Variants in IST1 observed in about 807,000 individuals in gnomAD.
IST1 encodes the protein IST1 homolog.
In IST1, 23 loss-of-function variants were observed where a neutral mutation model predicts 37.0. That is an observed-to-expected ratio of 0.62 (90% CI 0.45 to 0.88). The LOEUF (loss-of-function observed/expected upper bound fraction) is 0.88, where lower values mean the gene tolerates loss of function less well. IST1 is among the 40% of genes least tolerant of loss of function. The probability of loss-of-function intolerance (pLI) is 0.00; values close to 1 mark genes in which losing one functional copy is unlikely to be tolerated. For synonymous variants in IST1, 180 were observed against 161.7 expected, an observed-to-expected ratio of 1.11 and a Z score of -0.86; for missense variants, 488 against 445.4, an observed-to-expected ratio of 1.10 and a Z score of -0.86.
At chr16:71,906,621 A>G (rs967858274) in intron 1 of IST1, among the ~76,000 whole-genome samples, 2 of 152,098 alleles carry the variant, frequency 1.3e-5, no homozygotes, top group African/African-American at 2.4e-5. Flanking sequence ...CTGGCCCGCA[A>G]TTCTTTTAGA....
chr16:71,896,701 C>T (rs963419726), intron 1 of IST1, among the ~76,000 whole-genome samples: 1 of 152,064 alleles, frequency 6.6e-6, no homozygotes, highest in African/African-American at 2.4e-5. Context: ...TAAAACTGGC[C>T]AGATGTGGTG....
upstream of IST1, chr16:71,894,862 A>C: frequency 6.5e-7 from 1 of 1,530,974 alleles, no homozygotes; most frequent in Non-Finnish European, 8.8e-7. Context: ...AACAAAGGTA[A>C]CCAAGGAAAA....
chr16:71,895,038 G>C (rs1286936271), upstream of IST1: 4 of 498,382 alleles, frequency 8.0e-6, no homozygotes, highest in Non-Finnish European at 1.1e-5. Context: ...AGAGGGACAC[G>C]GAGGCGCTGG....
rs994132221 is a variant in IST1 at position 71,924,539 on chromosome 16, C to A, written c.853-230C>A. 3.6e-5 allele frequency: 21 copies of A among 585,650 alleles called. 1 individual carries two copies. In the South Asian group the frequency reaches 4.3e-4, roughly 12 times the overall value. 36.3% of individuals were successfully genotyped at this position (585,650 alleles called of 1,614,324 possible). ...CCAGGAAGTGGAGGCTGTGGTGAGC[C>A]GTGATTGTATCACTGCACTCCAGCC... On this transcript the variant is annotated intron_variant, in intron 8 of 9. Coordinates refer to ENST00000378799, the MANE Select transcript of IST1 (RefSeq NM_001270975.2).
intron 9 of IST1, 95 bp downstream of exon 9, chr16:71,924,912 C>T (rs989169842): frequency 1.2e-5 from 10 of 856,608 alleles, no homozygotes; most frequent in Admixed American, 3.8e-5. Flanking sequence ...TTTCCATGTC[C>T]ATGGACTTCT....
intron 9 of IST1, among the ~76,000 whole-genome samples, chr16:71,927,332 T>A (rs530493258): frequency 6.6e-6 from 1 of 151,904 alleles, no homozygotes; most frequent in Non-Finnish European, 1.5e-5. Context: ...CTACTAAAAA[T>A]ACAAAAATTA....
chr16:71,927,452 G>A (rs2037771329), intron 9 of IST1, among the ~76,000 whole-genome samples, 162 bp from the exon 10 acceptor site: 1 of 149,886 alleles, frequency 6.7e-6, no homozygotes, highest in African/African-American at 2.5e-5. Context: ...CACGCCAACT[G>A]CACTCCAGCC....
At chr16:71,896,221 G>GTT (rs1486622933) in intron 1 of IST1, among the ~76,000 whole-genome samples, 2 of 152,062 alleles carry the variant, frequency 1.3e-5, no homozygotes, top group African/African-American at 4.8e-5. Flanking sequence ...TCTCCTCTTT[G>GTT]TTTTTCTCGG....
intron 4 of IST1, among the ~76,000 whole-genome samples, chr16:71,919,837 A>T (rs966334321): frequency 2.6e-5 from 4 of 152,116 alleles, no homozygotes; most frequent in Non-Finnish European, 2.9e-5. Context: ...TTGCAGTTGT[A>T]CCTTTATCTG....
At chr16:71,926,113 C>T (rs980660046) in intron 9 of IST1, among the ~76,000 whole-genome samples, 2 of 151,888 alleles carry the variant, frequency 1.3e-5, no homozygotes, top group Non-Finnish European at 2.9e-5. Flanking sequence ...GAAACCCTGT[C>T]TCTACTAAAA....
chr16:71,902,772 ATATGTT>A (rs1389472158), intron 1 of IST1, among the ~76,000 whole-genome samples: 3 of 152,088 alleles, frequency 2.0e-5, no homozygotes, highest in Non-Finnish European at 4.4e-5. Context: ...CTGATAATTT[ATATGTT>A]TATATGTTCC....
chr16:71,920,621 C>A, intron 4 of IST1, 118 bp from the exon 5 acceptor site: 1 of 670,564 alleles, frequency 1.5e-6, no homozygotes, highest in Non-Finnish European at 2.7e-6. Flanking sequence ...TAAGGTTTTG[C>A]AGACTCCAGT....
rs376232312 is a variant in IST1 at position 71,917,061 on chromosome 16, G to T, written c.284G>T (p.Gly95Val). The T allele has an allele frequency of 1.2e-5, 20 of 1,603,516 alleles. No homozygotes were observed. Among genetic ancestry groups the T allele is most frequent in the African/African-American group, 2.7e-5 (2 of 74,468 alleles). ...LIQSMKELDS[G>V]LAESVSTLIW... ...TCCTTGATTAGGGAACTAGATTCTGGTCTGGCTGAATCTGTGTCTACATTG... is the reference window on the plus strand; with the variant it reads ...TCCTTGATTAGGGAACTAGATTCTGTTCTGGCTGAATCTGTGTCTACATTG... Residue 95 changes from glycine to valine, a missense_variant, in exon 4 of 10, where the codon GGT becomes GTT. Gly to Val is a moderately radical substitution (Grantham distance 109). Coordinates refer to ENST00000378799, the MANE Select transcript of IST1 (RefSeq NM_001270975.2).
intron 1 of IST1, among the ~76,000 whole-genome samples, chr16:71,902,157 A>AGGTG (rs2037122946): frequency 6.6e-6 from 1 of 152,184 alleles, no homozygotes; most frequent in Admixed American, 6.6e-5. Context: ...CCAGCCCAAG[A>AGGTG]GGTGTGAAGG....
intron 1 of IST1, among the ~76,000 whole-genome samples, chr16:71,902,206 A>G (rs2037123780): frequency 6.6e-6 from 1 of 152,170 alleles, no homozygotes; most frequent in Non-Finnish European, 1.5e-5. Context: ...CAGATGTTTG[A>G]TAGAATTTGC....
intron 1 of IST1, among the ~76,000 whole-genome samples, chr16:71,898,446 G>C (rs2037027466): frequency 6.6e-6 from 1 of 151,582 alleles, no homozygotes; most frequent in East Asian, 1.9e-4. Flanking sequence ...CACTTTGAGA[G>C]GCTGAGGTGA....
chr16:71,914,088 G>T (rs1248572587), intron 1 of IST1, among the ~76,000 whole-genome samples: 1 of 144,196 alleles, frequency 6.9e-6, no homozygotes, highest in Non-Finnish European at 1.5e-5. Flanking sequence ...GATTACAGGC[G>T]TGAGCCACTG....
chr16:71,930,099 C>T lies in IST1; in HGVS notation c.*2286C>T, dbSNP rs201167023. 1.4e-4 allele frequency: 214 copies of T among 1,551,304 alleles called. No homozygotes were observed. The highest frequency in any genetic ancestry group is 6.7e-4 in the Middle Eastern group (4 of 6,014). Reference sequence around the variant, plus strand: ...CCAAAGGCCATGAGAATGGCCGAAACGAAAAGATTAATTACCACAAGTACC... The same window carrying T: ...CCAAAGGCCATGAGAATGGCCGAAATGAAAAGATTAATTACCACAAGTACC... On this transcript the variant is annotated 3_prime_UTR_variant, in exon 10 of 10. Transcript: ENST00000378799.
chr16:71,920,898 G>T (rs758214593), intron 5 of IST1, 76 bp downstream of exon 5: 1 of 1,011,784 alleles, frequency 9.9e-7, no homozygotes, highest in Non-Finnish European at 1.6e-6. Flanking sequence ...AATTCTAGTG[G>T]GTACCACTGT....
Sources: allele counts gnomAD v4.1 joint callset (sites outside exome capture counted in the v4.1 genomes callset), GRCh38; gene constraint gnomAD v4.1.1; transcripts MANE v1.5; gene names NCBI Gene and HGNC (gene_info 2026-07-23, HGNC 2026-07-21).